FNIP1: variants seen among roughly 807,000 people sequenced by gnomAD.
FNIP1 encodes folliculin-interacting protein 1.
In FNIP1, 40 loss-of-function variants were observed where a neutral mutation model predicts 124.5. The ratio of observed to expected loss-of-function variants is 0.32; its 90% confidence interval spans 0.25 to 0.42. The LOEUF is 0.42. Ranked by LOEUF, FNIP1 falls within the 10% of genes least tolerant of loss-of-function variation. The pLI, the probability that FNIP1 is intolerant of heterozygous loss-of-function variation, is 1.00. For missense variants in FNIP1, 1,176 were observed against 1,403.7 expected, an observed-to-expected ratio of 0.84 and a Z score of 2.59; for synonymous variants, 472 against 470.6, an observed-to-expected ratio of 1.00 and a Z score of -0.04.
At chr5:131,694,104 T>A (rs1248467624) in intron 11 of FNIP1, among the ~76,000 whole-genome samples, 1 of 152,204 alleles carries the variant, frequency 6.6e-6, no homozygotes, top group Non-Finnish European at 1.5e-5. Flanking sequence ...CAATAGGAAC[T>A]CTCACTAATT....
At chr5:131,789,037 T>C (rs953121989) in intron 1 of FNIP1, among the ~76,000 whole-genome samples, 5 of 152,178 alleles carry the variant, frequency 3.3e-5, no homozygotes, top group African/African-American at 1.2e-4. Flanking sequence ...AACAGATGAA[T>C]GGATAAAGAA....
At chr5:131,719,136 T>C (rs1769570002) in intron 4 of FNIP1, 76 bp from the exon 5 acceptor site, 1 of 1,414,956 alleles carries the variant, frequency 7.1e-7, no homozygotes, top group African/African-American at 1.4e-5. Flanking sequence ...AATAAAAATG[T>C]GTAAGTCACA....
chr5:131,647,908 A>C (rs1766937065), intron 16 of FNIP1, among the ~76,000 whole-genome samples: 1 of 152,054 alleles, frequency 6.6e-6, no homozygotes, highest in South Asian at 2.1e-4. Context: ...TAAAATTTTT[A>C]TAAATTAATA....
chr5:131,772,594 TC>T (rs1336390437), intron 1 of FNIP1, among the ~76,000 whole-genome samples: 1 of 152,096 alleles, frequency 6.6e-6, no homozygotes, highest in Non-Finnish European at 1.5e-5. Context: ...TGCCTACTCT[TC>T]CCTCCTGCAT....
At chr5:131,724,055 C>A (rs1029911602) in intron 3 of FNIP1, among the ~76,000 whole-genome samples, 1 of 152,214 alleles carries the variant, frequency 6.6e-6, no homozygotes, top group Non-Finnish European at 1.5e-5. Context: ...TTTTTTATGG[C>A]TGCACAGTAT....
At chr5:131,788,469 G>A (rs1580841642) in intron 1 of FNIP1, among the ~76,000 whole-genome samples, 1 of 152,080 alleles carries the variant, frequency 6.6e-6, no homozygotes, top group East Asian at 1.9e-4. Context: ...AGGCGTTTGA[G>A]ATCAGCCTGG....
chr5:131,745,452 C>A (rs1197447853), intron 1 of FNIP1, among the ~76,000 whole-genome samples: 21 of 151,898 alleles, frequency 1.4e-4, no homozygotes, highest in Admixed American at 1.2e-3. Flanking sequence ...CCTGGAAGGT[C>A]GGGGCTATAG....
chr5:131,764,400 T>C (rs1771350433), intron 1 of FNIP1, among the ~76,000 whole-genome samples: 1 of 151,000 alleles, frequency 6.6e-6, no homozygotes, highest in Non-Finnish European at 1.5e-5. Context: ...CTCGACCTCC[T>C]GGGCTCAAGT....
At chr5:131,671,299 T>C (rs1319397874) in intron 14 of FNIP1, among the ~76,000 whole-genome samples, 1 of 152,188 alleles carries the variant, frequency 6.6e-6, no homozygotes, top group African/African-American at 2.4e-5. Context: ...CCAGATCCTT[T>C]AACTTTTATT....
intron 1 of FNIP1, among the ~76,000 whole-genome samples, chr5:131,793,134 G>GCAACCT (rs1293124827): frequency 6.6e-6 from 1 of 152,096 alleles, no homozygotes; most frequent in Non-Finnish European, 1.5e-5. Flanking sequence ...CCCAGGCTAA[G>GCAACCT]CAACCTCCCA....
At chr5:131,703,987 C>T in intron 10 of FNIP1, 78 bp downstream of exon 10, 1 of 1,258,514 alleles carries the variant, frequency 7.9e-7, no homozygotes, top group Non-Finnish European at 1.1e-6. Flanking sequence ...AATTTTTCTG[C>T]CAAATTAATA....
intron 15 of FNIP1, 66 bp from the exon 16 acceptor site, chr5:131,652,065 A>G: frequency 6.8e-7 from 1 of 1,465,978 alleles, no homozygotes; most frequent in Non-Finnish European, 9.3e-7. Context: ...ATGGTAATTC[A>G]GCAATGAAGG....
intron 6 of FNIP1, among the ~76,000 whole-genome samples, chr5:131,714,009 C>G (rs74408792): frequency 1.3e-5 from 2 of 152,126 alleles, no homozygotes; most frequent in African/African-American, 4.8e-5. Context: ...GTGGTGACCT[C>G]GAGAATATAT....
At chr5:131,698,888 T>C (rs1415938474) in intron 11 of FNIP1, 29 bp downstream of exon 11, 2 of 1,556,452 alleles carry the variant, frequency 1.3e-6, no homozygotes, top group Non-Finnish European at 1.7e-6. Context: ...TATGAATTAC[T>C]GCATTATGGA....
At chr5:131,768,811 T>A (rs943906061) in intron 1 of FNIP1, among the ~76,000 whole-genome samples, 5 of 151,944 alleles carry the variant, frequency 3.3e-5, no homozygotes, top group African/African-American at 1.2e-4. Context: ...AAACTAATAA[T>A]AAAATAAAAT....
chr5:131,759,934 G>C (rs1771170071), intron 1 of FNIP1, among the ~76,000 whole-genome samples: 1 of 152,198 alleles, frequency 6.6e-6, no homozygotes, highest in Non-Finnish European at 1.5e-5. Flanking sequence ...CATGTCCTTT[G>C]CAGCAACATG....
At chr5:131,728,296 T>G (rs778688219) in intron 3 of FNIP1, among the ~76,000 whole-genome samples, 9 of 152,162 alleles carry the variant, frequency 5.9e-5, no homozygotes, top group Admixed American at 3.9e-4. Context: ...CCATTCTCCC[T>G]GTCACTTTTA....
intron 1 of FNIP1, among the ~76,000 whole-genome samples, chr5:131,772,854 C>T (rs1771687045): frequency 6.6e-6 from 1 of 152,186 alleles, no homozygotes; most frequent in Non-Finnish European, 1.5e-5. Flanking sequence ...CCCACTCTGT[C>T]CCATTTTTCT....
Position 131,644,526 on chromosome 5 carries a change from G to T in FNIP1, c.*159C>A. ...TCCAGTCAAAAAGAAAAAGCCATCT[G>T]ACATACACAGAATATACAATGCTAT... is the stretch of plus-strand genomic sequence containing the variant. On this transcript the variant is annotated 3_prime_UTR_variant, in exon 18 of 18. Coordinates refer to ENST00000510461, the MANE Select transcript of FNIP1 (RefSeq NM_133372.3). 2.0e-6 allele frequency: 1 copy of T among 511,564 alleles called. No individual in the cohort carries two copies. Among genetic ancestry groups the T allele is most frequent in the Non-Finnish European group, 3.4e-6 (1 of 295,288 alleles). The allele number at this position is 511,564 out of a possible 1,614,324, so 31.7% of individuals were successfully genotyped here.
Sources: allele counts gnomAD v4.1 joint callset (sites outside exome capture counted in the v4.1 genomes callset), GRCh38; gene constraint gnomAD v4.1.1; transcripts MANE v1.5; gene names NCBI Gene and HGNC (gene_info 2026-07-23, HGNC 2026-07-21).